FAM186B: variants seen among roughly 807,000 people sequenced by gnomAD.
FAM186B encodes the protein family with sequence similarity 186 member B, also known as protein FAM186B.
A neutral mutation model predicts 83.4 loss-of-function variants in FAM186B; 68 were observed. The observed-to-expected ratio is 0.81, with a 90% CI of 0.67 to 1.00. FAM186B has a LOEUF of 1.00. Among genes scored for constraint, FAM186B ranks in the 50% least tolerant of loss-of-function variants. FAM186B has a pLI of 0.00. For missense variants in FAM186B, 983 were observed against 1,099.2 expected, an observed-to-expected ratio of 0.89 and a Z score of 1.49; for synonymous variants, 389 against 422.0, an observed-to-expected ratio of 0.92 and a Z score of 0.96.
intron 5 of FAM186B, chr12:49,595,342 G>A: frequency 1.7e-6 from 1 of 579,942 alleles, no homozygotes; most frequent in Non-Finnish European, 3.3e-6. Context: ...TCTACCAGGA[G>A]GTAATCTGGG....
At position 49,587,660 on chromosome 12, in the gene FAM186B, C is replaced by A; in HGVS notation, c.2627G>T (p.Arg876Leu). 6.2e-7 allele frequency: 1 copy of A among 1,613,608 alleles called. No individual in the cohort carries two copies. ...IEKKTPASLP[R>L]DQLRGHPDIP... is the part of the protein sequence containing the mutation. ...ATCTGGGTGTCCCCTCAGCTGGTCC[C>A]GGGGAAGGCTGGCAGGGGTCTTTTT... The change falls in exon 7 of 7, where the codon CGG becomes CTG. Residue 876 changes from arginine (R) to leucine (L), a missense_variant. Coordinates refer to ENST00000257894, the MANE Select transcript of FAM186B (RefSeq NM_032130.3).
intron 5 of FAM186B, among the ~76,000 whole-genome samples, chr12:49,593,889 G>C (rs889443400): frequency 3.3e-5 from 5 of 152,152 alleles, no homozygotes; most frequent in African/African-American, 1.2e-4. Flanking sequence ...CAGAGCTTCA[G>C]AGTATTTGAA....
At chr12:49,586,492 T>G (rs773256183), downstream of FAM186B, among the ~76,000 whole-genome samples, 1 of 152,144 alleles carries the variant, frequency 6.6e-6, no homozygotes, top group Non-Finnish European at 1.5e-5. Context: ...ACAAAGGGGC[T>G]TGCCCGAGAC....
intron 5 of FAM186B, chr12:49,595,552 C>T: frequency 2.2e-6 from 1 of 448,858 alleles, no homozygotes; most frequent in Non-Finnish European, 4.5e-6. Flanking sequence ...CTCTGAGAAT[C>T]GTGTGGAAAA....
intron 5 of FAM186B, among the ~76,000 whole-genome samples, chr12:49,592,059 G>A (rs1939591960): frequency 6.6e-6 from 1 of 152,148 alleles, no homozygotes; most frequent in Non-Finnish European, 1.5e-5. Context: ...GTTACATAGA[G>A]ACAAAATGTA....
At position 49,605,539 on chromosome 12, in the gene FAM186B, A is replaced by G; in HGVS notation, c.-62T>C. 2 of 1,551,524 alleles carry G rather than the reference A, an allele frequency of 1.3e-6. No homozygotes were observed. The highest frequency in any genetic ancestry group is 2.3e-5 in the East Asian group (1 of 43,852). ...TTCTGGTCCACAGGCCTGGACACAC[A>G]ATGTTGCCTGCTTTGGAGGTTAAGG... is the stretch of plus-strand genomic sequence containing the variant. On this transcript the variant is annotated 5_prime_UTR_variant, in exon 1 of 7. Coordinates refer to ENST00000257894, the MANE Select transcript of FAM186B (RefSeq NM_032130.3).
chr12:49,586,934 G>A (rs1017687793), downstream of FAM186B, among the ~76,000 whole-genome samples: 2 of 152,196 alleles, frequency 1.3e-5, no homozygotes, highest in Non-Finnish European at 2.9e-5. Context: ...GTTAGGTCTA[G>A]ACTGGAGGCA....
chr12:49,588,418 A>C, intron 6 of FAM186B, 36 bp downstream of exon 6: 1 of 1,585,116 alleles, frequency 6.3e-7, no homozygotes. Flanking sequence ...CTCTTCACCC[A>C]TACAGCTGCT....
upstream of FAM186B, among the ~76,000 whole-genome samples, chr12:49,610,245 A>G (rs546537469): frequency 6.6e-6 from 1 of 152,346 alleles, no homozygotes; most frequent in African/African-American, 2.4e-5. Flanking sequence ...ATGAGAAAGA[A>G]CCAAAGCAAG....
upstream of FAM186B, among the ~76,000 whole-genome samples, chr12:49,610,539 C>A (rs1940073204): frequency 6.6e-6 from 1 of 152,148 alleles, no homozygotes; most frequent in Admixed American, 6.5e-5. Context: ...GCCTGTAATC[C>A]CAGCACTTTG....
intron 3 of FAM186B, 96 bp from the exon 4 acceptor site, chr12:49,601,230 C>A: frequency 6.8e-7 from 1 of 1,465,158 alleles, no homozygotes; most frequent in Non-Finnish European, 9.0e-7. Flanking sequence ...TGGCAACCCC[C>A]TTAGGGATTT....
At chr12:49,620,132 C>T in the FAM186B span, among the ~76,000 whole-genome samples, 1 of 152,114 alleles carries the variant, frequency 6.6e-6, no homozygotes, top group Non-Finnish European at 1.5e-5. Context: ...CTAGGTCATT[C>T]AGGGGAGTCA....
At chr12:49,607,008 A>G (rs1381121258), upstream of FAM186B, among the ~76,000 whole-genome samples, 6 of 152,220 alleles carry the variant, frequency 3.9e-5, no homozygotes, top group Non-Finnish European at 7.3e-5. Flanking sequence ...AAATTAAGCA[A>G]CATACTTCCA....
chr12:49,590,776 A>T (rs1452209210), intron 5 of FAM186B, among the ~76,000 whole-genome samples: 1 of 152,220 alleles, frequency 6.6e-6, no homozygotes, highest in African/African-American at 2.4e-5. Context: ...CCTAACCCAT[A>T]GGGCATGGTC....
chr12:49,599,584 G>A lies in FAM186B; in HGVS notation c.2056C>T (p.His686Tyr), dbSNP rs1292788396. The A allele has an allele frequency of 6.2e-7, 1 of 1,612,870 alleles. No homozygotes were observed. The highest frequency in any genetic ancestry group is 1.3e-5 in the African/African-American group (1 of 74,898). Residue 686 changes from histidine to tyrosine, a missense_variant, in exon 4 of 7, where the codon CAC (histidine) becomes TAC (tyrosine). His to Tyr is a moderately conservative substitution (Grantham distance 83, BLOSUM62 2). Transcript: ENST00000257894. ...LSEESELRLPHYLRSKALELT... is the reference protein window; with the variant it reads ...LSEESELRLPYYLRSKALELT... ...TCCAGTGCTTTGCTGCGCAGGTAGT[G>A]GGGCAGCCTCAACTCAGACTCCTCA...
rs1565814090 is a variant in FAM186B, at chr12:49,605,506, TC to T, written c.-30del. ...GGATCACTCTGTCAGTCACAAAACA[TC>T]CTGTGTTTCTGGTCCACAGGCCTGG... On this transcript the variant is annotated 5_prime_UTR_variant, in exon 1 of 7. Coordinates refer to ENST00000257894, the MANE Select transcript of FAM186B (RefSeq NM_032130.3). 26 of 1,604,938 alleles carry T rather than the reference TC, an allele frequency of 1.6e-5. No individual in the cohort carries two copies. The highest frequency in any genetic ancestry group is 2.1e-5 in the Non-Finnish European group (25 of 1,175,174).
chr12:49,599,881 G>A lies in FAM186B; in HGVS notation c.1759C>T (p.His587Tyr), dbSNP rs146791191. Residue 587 changes from histidine (H) to tyrosine (Y), a missense_variant, in exon 4 of 7, where the codon CAC becomes TAC. His to Tyr is a moderately conservative substitution (Grantham distance 83, BLOSUM62 2). Coordinates refer to ENST00000257894, the MANE Select transcript of FAM186B (RefSeq NM_032130.3). ...GGCAAGTGTGGCCTCCTGCTTTGGT[G>A]AGCAGATTGGGTCCGGCTTGGGGCA... is the stretch of plus-strand genomic sequence containing the variant. Reference protein sequence around the residue: ...VPAPSRTQSAHQSRRPHLPMS... With the variant: ...VPAPSRTQSAYQSRRPHLPMS... 3.1e-4 allele frequency: 497 copies of A among 1,609,756 alleles called. No homozygotes were observed. Among genetic ancestry groups the A allele is most frequent in the Non-Finnish European group, 4.0e-4 (472 of 1,177,770 alleles).
chr12:49,606,439 G>A (rs1940022297), upstream of FAM186B, among the ~76,000 whole-genome samples: 1 of 151,578 alleles, frequency 6.6e-6, no homozygotes, highest in Non-Finnish European at 1.5e-5. Flanking sequence ...AGGCTGCAGT[G>A]AGCCATGTTC....
Position 49,599,811 on chromosome 12 carries a change from G to A in FAM186B, c.1829C>T (p.Pro610Leu), listed in dbSNP as rs994392582. The A allele has an allele frequency of 3.1e-6, 5 of 1,612,954 alleles. No individual in the cohort carries two copies. The highest frequency in any genetic ancestry group is 4.2e-6 in the Non-Finnish European group (5 of 1,179,458). ...GTAGGTAAACTCCACTGAACTCATA[G>A]GTCTCTGCTTTCCCAGGGCAGGCTG... ...TQQPALGKQRPMSSVEFTYRP... is the reference protein window; with the variant it reads ...TQQPALGKQRLMSSVEFTYRP... Residue 610 changes from proline to leucine, a missense_variant, in exon 4 of 7, where the codon CCT becomes CTT. By Grantham distance (98) the Pro-to-Leu change is moderately conservative. Coordinates refer to ENST00000257894, the MANE Select transcript of FAM186B (RefSeq NM_032130.3).
Sources: gnomAD v4.1 joint callset for allele counts (sites outside exome capture counted in the v4.1 genomes callset) on GRCh38, gnomAD v4.1.1 for gene constraint, MANE v1.5 for transcripts, NCBI Gene and HGNC (gene_info 2026-07-23, HGNC 2026-07-21) for gene names.